Variants in MYO1E observed in about 807,000 individuals in gnomAD.
MYO1E encodes the protein unconventional myosin-Ie.
A neutral mutation model predicts 151.1 loss-of-function variants in MYO1E; 68 were observed. The ratio of observed to expected loss-of-function variants is 0.45; its 90% confidence interval spans 0.37 to 0.55. The LOEUF is 0.55. Ranked by LOEUF, MYO1E falls within the 20% of genes least tolerant of loss-of-function variation. MYO1E has a pLI of 0.00. For missense variants in MYO1E, 1,363 were observed against 1,389.3 expected, an observed-to-expected ratio of 0.98 and a Z score of 0.30; for synonymous variants, 601 against 501.7, an observed-to-expected ratio of 1.20 and a Z score of -2.64.
intron 9 of MYO1E, chr15:59,218,394 C>G: frequency 2.0e-6 from 1 of 491,226 alleles, no homozygotes; most frequent in South Asian, 1.8e-5. Flanking sequence ...AGATCACAGT[C>G]AAATGCCTAA....
chr15:59,274,966 A>C (rs905296267), intron 1 of MYO1E, among the ~76,000 whole-genome samples: 1 of 152,236 alleles, frequency 6.6e-6, no homozygotes, highest in Non-Finnish European at 1.5e-5. Flanking sequence ...CAGTGGTTAC[A>C]ATATGCAAAG....
At chr15:59,245,371 G>A (rs1334684178) in intron 4 of MYO1E, among the ~76,000 whole-genome samples, 2 of 152,112 alleles carry the variant, frequency 1.3e-5, no homozygotes, top group African/African-American at 2.4e-5. Flanking sequence ...TGAAGCACAC[G>A]GGTCAGAAAT....
At chr15:59,257,967 G>T (rs540206251) in intron 3 of MYO1E, among the ~76,000 whole-genome samples, 10 of 152,232 alleles carry the variant, frequency 6.6e-5, no homozygotes, top group Admixed American at 1.3e-4. Context: ...GAATAAGGCC[G>T]CCCTGGAACA....
At chr15:59,296,424 G>A (rs1314719097) in intron 1 of MYO1E, among the ~76,000 whole-genome samples, 3 of 152,122 alleles carry the variant, frequency 2.0e-5, no homozygotes, top group South Asian at 2.1e-4. Context: ...CTCAATTTGC[G>A]GCCACCATTA....
chr15:59,330,532 T>C (rs1362071335), intron 1 of MYO1E, among the ~76,000 whole-genome samples: 2 of 152,236 alleles, frequency 1.3e-5, no homozygotes, highest in South Asian at 2.1e-4. Flanking sequence ...AGTCAATCTA[T>C]AGGTACATGG....
intron 16 of MYO1E, among the ~76,000 whole-genome samples, chr15:59,196,290 G>C (rs2079765893): frequency 6.6e-6 from 1 of 152,108 alleles, no homozygotes; most frequent in South Asian, 2.1e-4. Flanking sequence ...AGTAGAACTG[G>C]ATTCAAGCAG....
chr15:59,350,914 T>C lies in MYO1E; in HGVS notation c.3+21584A>G, dbSNP rs973696098. Among the ~76,000 whole-genome samples, 13 of 152,358 alleles carry C rather than the reference T, an allele frequency of 8.5e-5. No homozygotes were observed. Among genetic ancestry groups the C allele is most frequent in the Admixed American group, 1.3e-4 (2 of 15,308 alleles). Reference sequence around the variant, plus strand: ...TTGGTTTTTTGTTTTTTGTCTTTTTTGAGACGGAGTCTCGCTCTGTCACCC... The same window carrying C: ...TTGGTTTTTTGTTTTTTGTCTTTTTCGAGACGGAGTCTCGCTCTGTCACCC... On this transcript the variant is annotated intron_variant, in intron 1 of 27. Coordinates refer to ENST00000288235, the MANE Select transcript of MYO1E (RefSeq NM_004998.4). The surrounding 1 kb of genome is among the most constrained non-coding windows in gnomAD (Gnocchi z 5.0).
chr15:59,281,786 T>C (rs1159992247), intron 1 of MYO1E, among the ~76,000 whole-genome samples: 1 of 152,122 alleles, frequency 6.6e-6, no homozygotes, highest in Non-Finnish European at 1.5e-5. Flanking sequence ...TTCTTCAACA[T>C]GTAAAAATAG....
At chr15:59,277,556 A>AC (rs79926678) in intron 1 of MYO1E, among the ~76,000 whole-genome samples, 67,900 of 143,760 alleles carry the variant, frequency 0.47, 18,796 homozygotes, top group Non-Finnish European at 0.61. Context: ...CACAAAAAAA[A>AC]AAAAAAAAAA....
chr15:59,138,400 C>T, intron 26 of MYO1E, 33 bp from the exon 27 acceptor site: 1 of 1,612,152 alleles, frequency 6.2e-7, no homozygotes, highest in Non-Finnish European at 8.5e-7. Flanking sequence ...GAGACTGGGC[C>T]CCAACAGGGG....
At chr15:59,287,921 T>A (rs536088454) in intron 1 of MYO1E, among the ~76,000 whole-genome samples, 5 of 152,210 alleles carry the variant, frequency 3.3e-5, no homozygotes, top group Non-Finnish European at 5.9e-5. Context: ...TATAAGTTAT[T>A]GTCAAATGAA....
At chr15:59,288,713 A>T (rs1204866027) in intron 1 of MYO1E, among the ~76,000 whole-genome samples, 1 of 152,236 alleles carries the variant, frequency 6.6e-6, no homozygotes, top group Non-Finnish European at 1.5e-5. Context: ...TAAAAAATAT[A>T]GAACTTTTAA....
intron 1 of MYO1E, among the ~76,000 whole-genome samples, chr15:59,279,147 T>C (rs1428617197): frequency 1.3e-5 from 2 of 152,272 alleles, no homozygotes; most frequent in South Asian, 2.1e-4. Context: ...ACACAGGGAT[T>C]TCTGACTTCC....
At chr15:59,329,670 C>T (rs1327284383) in intron 1 of MYO1E, among the ~76,000 whole-genome samples, 1 of 152,152 alleles carries the variant, frequency 6.6e-6, no homozygotes, top group Non-Finnish European at 1.5e-5. Flanking sequence ...AACTGCCAGC[C>T]GTCAAATGCT....
chr15:59,185,535 G>A (rs1365157058), intron 18 of MYO1E, among the ~76,000 whole-genome samples: 1 of 152,116 alleles, frequency 6.6e-6, no homozygotes, highest in East Asian at 1.9e-4. Context: ...CCAAAGTGCT[G>A]GGATTATAGG....
chr15:59,148,374 G>A (rs1286379252), intron 26 of MYO1E, among the ~76,000 whole-genome samples: 1 of 152,100 alleles, frequency 6.6e-6, no homozygotes, highest in African/African-American at 2.4e-5. Context: ...ACACCTCCTG[G>A]GTGGGTGTGC....
intron 14 of MYO1E, chr15:59,207,841 A>AT (rs2079849577): frequency 1.2e-6 from 2 of 1,614,112 alleles, no homozygotes; most frequent in Non-Finnish European, 8.5e-7. Context: ...TTCTTGGGCC[A>AT]TTGGCCTATC....
intron 26 of MYO1E, among the ~76,000 whole-genome samples, chr15:59,139,999 A>G (rs1337298523): frequency 6.6e-6 from 1 of 152,108 alleles, no homozygotes; most frequent in East Asian, 1.9e-4. Flanking sequence ...ATATTCTTAT[A>G]CAAGAGTTTA....
At chr15:59,231,573 G>A in intron 6 of MYO1E, 129 bp downstream of exon 6, 1 of 1,002,760 alleles carries the variant, frequency 1.0e-6, no homozygotes, top group South Asian at 1.4e-5. Flanking sequence ...GAAAATGAAG[G>A]AAAGATCGAA....
Sources: gnomAD v4.1 joint callset for allele counts (sites outside exome capture counted in the v4.1 genomes callset) on GRCh38, gnomAD v4.1.1 for gene constraint, Gnocchi (gnomAD v3.1) non-coding constraint, MANE v1.5 for transcripts, NCBI Gene and HGNC (gene_info 2026-07-23, HGNC 2026-07-21) for gene names.